The following MRPL3 variants were observed in gnomAD, a reference collection of about 807,000 sequenced individuals.
MRPL3 encodes large ribosomal subunit protein uL3m.
A neutral mutation model predicts 44.3 loss-of-function variants in MRPL3; 43 were observed. The ratio of observed to expected loss-of-function variants is 0.97; its 90% CI spans 0.76 to 1.25. The LOEUF is 1.25. MRPL3 is among the 50% of genes most tolerant of loss of function. MRPL3 has a pLI of 0.00. For synonymous variants in MRPL3, 171 were observed against 152.3 expected (o/e 1.12, Z -0.91); for missense variants, 406 against 427.6 (o/e 0.95, Z 0.45).
intron 8 of MRPL3, 37 bp from the exon 9 acceptor site, chr3:131,468,205 A>T: frequency 8.0e-7 from 1 of 1,251,474 alleles, no homozygotes; most frequent in South Asian, 1.3e-5. Flanking sequence ...TTTAGGATAT[A>T]CTTGTATTAA....
At chr3:131,482,470 G>C (rs376340831) in intron 6 of MRPL3, among the ~76,000 whole-genome samples, 2 of 151,180 alleles carry the variant, frequency 1.3e-5, no homozygotes, top group African/African-American at 4.9e-5. Context: ...AGCCGAGATC[G>C]TGCCACTGCA....
chr3:131,502,797 G>C lies in MRPL3; in HGVS notation c.25C>G (p.Gln9Glu). ...CGACCCAGCACCTGGGCGCCGACCTGCGTCAGCAGCCTCCAACCCGGCATG... is the reference window on the plus strand; with the variant it reads ...CGACCCAGCACCTGGGCGCCGACCTCCGTCAGCAGCCTCCAACCCGGCATG... MPGWRLLT[Q>E]VGAQVLGRLG... Residue 9 changes from glutamine (Q) to glutamate (E), a missense_variant, in exon 1 of 10, where the codon CAG (glutamine) becomes GAG (glutamate). Coordinates refer to ENST00000264995, the MANE Select transcript of MRPL3 (RefSeq NM_007208.4). The C allele has an allele frequency of 6.2e-7, 1 of 1,612,318 alleles. No homozygotes were observed. The highest frequency in any genetic ancestry group is 8.5e-7 in the Non-Finnish European group (1 of 1,179,380).
intron 6 of MRPL3, among the ~76,000 whole-genome samples, chr3:131,472,896 C>T (rs1933771036): frequency 6.6e-6 from 1 of 151,898 alleles, no homozygotes; most frequent in African/African-American, 2.4e-5. Context: ...AATGATAAAA[C>T]ATTGATGAAA....
intron 9 of MRPL3, among the ~76,000 whole-genome samples, chr3:131,465,885 T>TTC (rs142075119): frequency 2.6e-4 from 37 of 142,674 alleles, no homozygotes; most frequent in Non-Finnish European, 4.6e-4. Context: ...ATTTTTCTTT[T>TTC]TCTCTCTTTT....
At chr3:131,501,241 CCTGA>C (rs2107605982) in intron 2 of MRPL3, among the ~76,000 whole-genome samples, 1 of 152,312 alleles carries the variant, frequency 6.6e-6, no homozygotes, top group Non-Finnish European at 1.5e-5. Context: ...GCCTTTCTTT[CCTGA>C]CTTATATTCT....
chr3:131,500,635 T>A, intron 2 of MRPL3, 114 bp from the exon 3 acceptor site: 1 of 745,982 alleles, frequency 1.3e-6, no homozygotes, highest in Middle Eastern at 2.5e-4. Flanking sequence ...ACGTAAGAAA[T>A]ATGCTAATAT....
In MRPL3 at chr3:131,498,255, T is replaced by C. The variant is rs1377500367; in HGVS notation, c.392A>G (p.Lys131Arg). 4 of 1,610,106 alleles carry C rather than the reference T, an allele frequency of 2.5e-6. No individual in the cohort carries two copies. Among genetic ancestry groups the C allele is most frequent in the East Asian group, 2.2e-5 (1 of 44,840 alleles). The change falls in exon 4 of 10, where the codon AAA becomes AGA. Residue 131 changes from lysine (K) to arginine (R), a missense_variant. Transcript: ENST00000264995. ...LLQVQDCHVLKYTSKENCNGK... is the reference protein window; with the variant it reads ...LLQVQDCHVLRYTSKENCNGK... ...ATTACAGTTTTCCTTTGACGTATAT[T>C]TTAAGACATGACAGTCTTGTACCTA...
intron 4 of MRPL3, among the ~76,000 whole-genome samples, chr3:131,492,664 C>T (rs1469828030): frequency 1.3e-5 from 2 of 152,162 alleles, no homozygotes; most frequent in African/African-American, 4.8e-5. Context: ...TCCTAACAGG[C>T]CACAGAGCAG....
At chr3:131,466,941 A>G (rs1377580150) in intron 9 of MRPL3, among the ~76,000 whole-genome samples, 1 of 152,012 alleles carries the variant, frequency 6.6e-6, no homozygotes, top group Non-Finnish European at 1.5e-5. Flanking sequence ...ACCGGAATGT[A>G]TTCTTCCTAA....
At chr3:131,474,886 C>T (rs1933822288) in intron 6 of MRPL3, among the ~76,000 whole-genome samples, 1 of 151,406 alleles carries the variant, frequency 6.6e-6, no homozygotes, top group Non-Finnish European at 1.5e-5. Flanking sequence ...ATCCTCCTGT[C>T]TCAACCTCAT....
chr3:131,502,482 A>G (rs2107606673), intron 1 of MRPL3, among the ~76,000 whole-genome samples: 1 of 152,376 alleles, frequency 6.6e-6, no homozygotes, highest in South Asian at 2.1e-4. Context: ...GCAAACGCTC[A>G]CTAATTGTAA....
intron 3 of MRPL3, among the ~76,000 whole-genome samples, chr3:131,498,548 A>G (rs1229518634): frequency 6.6e-6 from 1 of 151,836 alleles, no homozygotes; most frequent in East Asian, 1.9e-4. Context: ...TAAAAATACA[A>G]AAAATTAGCC....
intron 7 of MRPL3, among the ~76,000 whole-genome samples, 175 bp downstream of exon 7, chr3:131,470,996 T>C (rs1264167694): frequency 6.6e-6 from 1 of 152,156 alleles, no homozygotes; most frequent in Admixed American, 6.6e-5. Flanking sequence ...TAACTAATTC[T>C]AGTCTGGCTC....
chr3:131,474,214 AT>A (rs1415674840), intron 6 of MRPL3, among the ~76,000 whole-genome samples: 1 of 152,248 alleles, frequency 6.6e-6, no homozygotes, highest in Non-Finnish European at 1.5e-5. Flanking sequence ...TGATTCTGTC[AT>A]AAAAAATAAA....
intron 6 of MRPL3, 130 bp downstream of exon 6, chr3:131,487,550 T>C (rs1934157210): frequency 2.6e-6 from 2 of 756,180 alleles, no homozygotes; most frequent in Non-Finnish European, 4.3e-6. Context: ...ACATGAAAGA[T>C]TTGAATTCAG....
chr3:131,464,585 A>G (rs1323224789), intron 9 of MRPL3, among the ~76,000 whole-genome samples: 1 of 152,168 alleles, frequency 6.6e-6, no homozygotes, highest in Non-Finnish European at 1.5e-5. Flanking sequence ...GACAAAAGCC[A>G]GGCAAATCTG....
At chr3:131,479,227 T>C in intron 6 of MRPL3, 1 of 512,558 alleles carries the variant, frequency 2.0e-6, no homozygotes, top group Non-Finnish European at 3.9e-6. Flanking sequence ...GGTCTACGAG[T>C]ATGCCCTCCA....
chr3:131,488,031 C>G (rs1934169228), intron 5 of MRPL3, among the ~76,000 whole-genome samples: 1 of 152,150 alleles, frequency 6.6e-6, no homozygotes, highest in South Asian at 2.1e-4. Flanking sequence ...TAGTGAATAA[C>G]AGTATACTAA....
At position 131,489,594 on chromosome 3, in the gene MRPL3, G is replaced by A. The variant is rs947859447; in HGVS notation, c.568+387C>T. ...TTTAAGTAAGAATCTTTACATTGAG[G>A]TGCTATGGTCGGTCCCTTCTGTTAT... is the stretch of plus-strand genomic sequence containing the variant. On this transcript the variant is annotated intron_variant, in intron 5 of 9. Transcript: ENST00000264995. Among the ~76,000 whole-genome samples the A allele has an allele frequency of 4.6e-5, 7 of 152,106 alleles. No homozygotes were observed. The South Asian group carries it at 1.5e-3, about 32-fold the overall frequency.
Sources: allele counts gnomAD v4.1 joint callset (sites outside exome capture counted in the v4.1 genomes callset), GRCh38; gene constraint gnomAD v4.1.1; transcripts MANE v1.5; gene names NCBI Gene and HGNC (gene_info 2026-07-23, HGNC 2026-07-21).